Variants in FGF12 observed in about 807,000 individuals in gnomAD.
FGF12 encodes fibroblast growth factor 12B.
Under a neutral mutation model 23.6 loss-of-function variants are expected in FGF12, and 14 were observed. That is an observed-to-expected ratio of 0.59 (90% CI 0.39 to 0.93). The LOEUF is 0.93. FGF12 is among the 40% of genes least tolerant of loss of function. FGF12 has a pLI of 0.00. For missense variants in FGF12, 175 were observed against 217.8 expected (o/e 0.80, Z 1.24); for synonymous variants, 62 against 77.3 (o/e 0.80, Z 1.04).
At chr3:192,600,630 G>A (rs1295131961) in intron 2 of FGF12, among the ~76,000 whole-genome samples, 1 of 151,780 alleles carries the variant, frequency 6.6e-6, no homozygotes, top group Non-Finnish European at 1.5e-5. Flanking sequence ...TTAAAAATGG[G>A]CAAATGAACT....
At chr3:192,372,166 T>C (rs1719263008) in intron 2 of FGF12, among the ~76,000 whole-genome samples, 1 of 152,124 alleles carries the variant, frequency 6.6e-6, no homozygotes, top group African/African-American at 2.4e-5. Context: ...CAGAAATAAA[T>C]GAACAGGACA....
intron 2 of FGF12, among the ~76,000 whole-genome samples, chr3:192,665,331 C>T (rs11923849): frequency 0.045 from 6,908 of 152,028 alleles, 403 homozygotes; most frequent in South Asian, 0.19. Flanking sequence ...ACAGATAAGT[C>T]GAAGCGAGAG....
At chr3:192,174,324 G>A (rs758461550) in intron 4 of FGF12, among the ~76,000 whole-genome samples, 4 of 152,142 alleles carry the variant, frequency 2.6e-5, no homozygotes, top group Admixed American at 1.3e-4. Context: ...GGTAGGAACC[G>A]GGCTTTGAAC....
chr3:192,229,994 G>A (rs1013372892), intron 4 of FGF12, among the ~76,000 whole-genome samples: 1 of 152,086 alleles, frequency 6.6e-6, no homozygotes, highest in African/African-American at 2.4e-5. Context: ...AAAGTGTAAT[G>A]CATATGACGG....
At chr3:192,422,941 G>A (rs1371231510) in intron 2 of FGF12, among the ~76,000 whole-genome samples, 1 of 152,134 alleles carries the variant, frequency 6.6e-6, no homozygotes, top group African/African-American at 2.4e-5. Flanking sequence ...GCTGGGCAGG[G>A]TGGGAAAACC....
chr3:192,436,482 C>A (rs987317622), intron 2 of FGF12, among the ~76,000 whole-genome samples: 2 of 152,110 alleles, frequency 1.3e-5, no homozygotes, highest in Non-Finnish European at 2.9e-5. Context: ...TGGGTGCTGC[C>A]GATGCTGCTG....
rs1404460139 is a variant in FGF12, at chr3:192,514,061, G to A, written c.14-153523C>T. 3.3e-5 allele frequency among the ~76,000 whole-genome samples: 5 copies of A among 152,172 alleles called. No individual in the cohort carries two copies. In the East Asian group the frequency reaches 9.7e-4, roughly 29 times the overall value. On this transcript the variant is annotated intron_variant, in intron 2 of 5. Transcript: ENST00000445105. This position sits in a 1 kb window ranked among gnomAD's most constrained non-coding sequence, Gnocchi z 4.9. ...ATATCTCAGTTCATTCAAAGGTTCTGATTTTCTTTCTTTTCCTCCGTGTAG... is the reference window on the plus strand; with the variant it reads ...ATATCTCAGTTCATTCAAAGGTTCTAATTTTCTTTCTTTTCCTCCGTGTAG...
intron 2 of FGF12, among the ~76,000 whole-genome samples, chr3:192,372,391 TCACA>T (rs58664869): frequency 0.075 from 11,172 of 149,066 alleles, 859 homozygotes; most frequent in East Asian, 0.33. Context: ...TTTCATACCA[TCACA>T]CACACACACA....
chr3:192,385,312 C>G (rs1343034337), intron 2 of FGF12, among the ~76,000 whole-genome samples: 2 of 151,678 alleles, frequency 1.3e-5, no homozygotes, highest in East Asian at 3.9e-4. Context: ...TTGTTTGTTC[C>G]ACAGCACACA....
chr3:192,265,816 G>T (rs1383063227), intron 4 of FGF12, among the ~76,000 whole-genome samples: 2 of 152,046 alleles, frequency 1.3e-5, no homozygotes, highest in African/African-American at 4.8e-5. Flanking sequence ...GCAAAGGTTT[G>T]CCAACCTCTC....
chr3:192,164,857 T>C (rs1715072126), intron 5 of FGF12, among the ~76,000 whole-genome samples: 1 of 152,216 alleles, frequency 6.6e-6, no homozygotes, highest in Admixed American at 6.5e-5. Context: ...TAATCTCTTA[T>C]GCTATCATTT....
rs950417491 is a variant in FGF12, at chr3:192,341,926, T to C, written c.125-6462A>G. On this transcript the variant is annotated intron_variant, in intron 3 of 5. Transcript: ENST00000445105. ...AACATTTGGAGTTAACATACAGCACTTGTAAAAACCTGACTTAGAAGTCAT... is the reference window on the plus strand; with the variant it reads ...AACATTTGGAGTTAACATACAGCACCTGTAAAAACCTGACTTAGAAGTCAT... Among the ~76,000 whole-genome samples, 4 of 152,208 alleles carry C rather than the reference T, an allele frequency of 2.6e-5. No homozygotes were observed. In the East Asian group the frequency reaches 5.8e-4, roughly 22 times the overall value.
chr3:192,314,310 T>C (rs1716117218), intron 4 of FGF12, among the ~76,000 whole-genome samples: 1 of 152,092 alleles, frequency 6.6e-6, no homozygotes, highest in East Asian at 1.9e-4. Flanking sequence ...AAATAAAAGC[T>C]AAAAGAGGCA....
intron 2 of FGF12, among the ~76,000 whole-genome samples, chr3:192,627,336 T>C (rs1008030422): frequency 2.6e-5 from 4 of 152,054 alleles, no homozygotes; most frequent in Non-Finnish European, 4.4e-5. Flanking sequence ...TAAAATACTA[T>C]ATTTTATTAT....
At chr3:192,473,877 C>T (rs1185904373) in intron 2 of FGF12, among the ~76,000 whole-genome samples, 2 of 152,204 alleles carry the variant, frequency 1.3e-5, no homozygotes, top group East Asian at 3.9e-4. Context: ...ATGAGAATAT[C>T]ATGTCTCCAG....
chr3:192,240,440 T>C (rs529753232), intron 4 of FGF12, among the ~76,000 whole-genome samples: 3 of 152,300 alleles, frequency 2.0e-5, no homozygotes, highest in African/African-American at 7.2e-5. Flanking sequence ...AAAACCAATA[T>C]AAATATGTTT....
At chr3:192,407,727 G>T (rs1206997645) in intron 2 of FGF12, among the ~76,000 whole-genome samples, 4 of 151,338 alleles carry the variant, frequency 2.6e-5, no homozygotes, top group African/African-American at 9.8e-5. Flanking sequence ...ATGAATTAAT[G>T]AATGAAGTGG....
chr3:192,224,627 G>A (rs1485358154), intron 4 of FGF12, among the ~76,000 whole-genome samples: 1 of 151,708 alleles, frequency 6.6e-6, no homozygotes, highest in Non-Finnish European at 1.5e-5. Flanking sequence ...CTGCCATTGA[G>A]TCACTCTTAA....
chr3:192,647,915 A>G (rs941100836), intron 2 of FGF12, among the ~76,000 whole-genome samples: 1 of 152,018 alleles, frequency 6.6e-6, no homozygotes, highest in South Asian at 2.1e-4. Flanking sequence ...AATATTTATG[A>G]ATAAAAACAC....
Sources: allele counts gnomAD v4.1 joint callset (sites outside exome capture counted in the v4.1 genomes callset), GRCh38; gene constraint gnomAD v4.1.1; non-coding constraint Gnocchi (gnomAD v3.1); transcripts MANE v1.5; gene names NCBI Gene and HGNC (gene_info 2026-07-23, HGNC 2026-07-21).